Variants in MMRN2 observed in about 807,000 individuals in gnomAD.
MMRN2 encodes multimerin-2.
A neutral mutation model predicts 68.8 loss-of-function variants in MMRN2; 53 were observed. That is an observed-to-expected ratio of 0.77 (90% confidence interval 0.62 to 0.97). MMRN2 has a LOEUF of 0.97. MMRN2 is among the 50% of genes least tolerant of loss of function. The probability of loss-of-function intolerance (pLI) is 0.00; values close to 1 mark genes in which losing one functional copy is unlikely to be tolerated. For missense variants in MMRN2, 1,266 were observed against 1,259.5 expected (o/e 1.01, Z -0.08); for synonymous variants, 564 against 551.6 (o/e 1.02, Z -0.32).
intron 1 of MMRN2, among the ~76,000 whole-genome samples, chr10:86,952,395 A>G (rs770023342): frequency 7.2e-5 from 11 of 152,250 alleles, no homozygotes; most frequent in Non-Finnish European, 1.5e-4. Flanking sequence ...ACATGGGCTC[A>G]GTATTGGGGG....
In MMRN2 at chr10:86,936,737, TG is replaced by T; in HGVS notation, c.*5del. 1 of 1,613,470 alleles carries T rather than the reference TG, an allele frequency of 6.2e-7. No homozygotes were observed. The highest frequency in any genetic ancestry group is 8.5e-7 in the Non-Finnish European group (1 of 1,179,498). On this transcript the variant is annotated 3_prime_UTR_variant, in exon 7 of 7. Transcript: ENST00000372027. The stretch of plus-strand genomic sequence containing the variant: ...CCATGATGTCTGATCAGATTGGGGC[TG>T]GGGTTCAGGTCTTAAACATCAGGAA...
Position 86,943,376 on chromosome 10 carries a change from C to A in MMRN2, c.1408G>T (p.Glu470Ter). 6.2e-7 allele frequency: 1 copy of A among 1,613,952 alleles called. No individual in the cohort carries two copies. The highest frequency in any genetic ancestry group is 1.3e-5 in the African/African-American group (1 of 75,058). Residue 470 changes from glutamate to a stop codon, truncating the protein, a stop_gained, in exon 6 of 7, where the codon GAG (glutamate) becomes TAG (stop). Transcript: ENST00000372027. LOFTEE classifies it high-confidence loss of function. The surrounding 1 kb of genome is among the most constrained non-coding windows in gnomAD (Gnocchi z 4.2). ...AGGTGCTGCAGCGTGAGGTTGAGCT[C>A]CAGGAGCTGCCGCTCCACCTCCTCC... ...NKEEVERQLL[E>*]LNLTLQHLQG...
In MMRN2 at chr10:86,945,389, GC is replaced by G; in HGVS notation, c.380del (p.Gly127AlafsTer40). On this transcript the variant is annotated frameshift_variant, in exon 3 of 7. Transcript: ENST00000372027. LOFTEE classifies it high-confidence loss of function. The stretch of plus-strand genomic sequence containing the variant: ...CCCTACCGTGGTGCTCGCAGTTGGG[GC>G]CCGTGTAGCCAGGGCAGCACCTCCA... ...LAWRCCPGYT[G>X]PNCEHHDSMA... 6.3e-7 allele frequency: 1 copy of G among 1,587,462 alleles called. No individual in the cohort carries two copies. Among genetic ancestry groups the G allele is most frequent in the African/African-American group, 1.3e-5 (1 of 74,660 alleles).
At position 86,942,253 on chromosome 10, in the gene MMRN2, A is replaced by G. The variant is rs1227244981; in HGVS notation, c.2467+64T>C. The G allele has an allele frequency of 3.3e-6, 5 of 1,519,486 alleles. No individual in the cohort carries two copies. In the African/African-American group the frequency reaches 6.9e-5, roughly 21 times the overall value. 94.1% of individuals were successfully genotyped at this position (1,519,486 alleles called of 1,614,324 possible). ...TCTTCCTGGCCCTCTTGGAGGCAGA[A>G]GAGCTGCCGGCAGCCGGCCCTGGCC... On this transcript the variant is annotated intron_variant, in intron 6 of 6. Coordinates refer to ENST00000372027, the MANE Select transcript of MMRN2 (RefSeq NM_024756.3).
Position 86,936,612 on chromosome 10 carries a change from C to A in MMRN2, c.*131G>T. 8.5e-7 allele frequency: 1 copy of A among 1,169,924 alleles called. No individual in the cohort carries two copies. 72.5% of individuals were successfully genotyped at this position (1,169,924 alleles called of 1,614,324 possible). On this transcript the variant is annotated 3_prime_UTR_variant, in exon 7 of 7. Transcript: ENST00000372027. ...GGTTACAGGGAAGCCACGTACACCA[C>A]ACCATCTTTGCAGAAGGTTTCCAGG... is the stretch of plus-strand genomic sequence containing the variant.
Position 86,935,736 on chromosome 10 carries a change from C to G in MMRN2, c.*1007G>C, listed in dbSNP as rs1843867221. 6.6e-6 allele frequency: 1 copy of G among 152,202 alleles called. No individual in the cohort carries two copies. The highest frequency in any genetic ancestry group is 1.5e-5 in the Non-Finnish European group (1 of 68,056). 9.4% of individuals were successfully genotyped at this position (152,202 alleles called of 1,614,324 possible). A position where few individuals can be genotyped will look rare whatever the true frequency, so the allele number is the denominator to read the frequency against. On this transcript the variant is annotated 3_prime_UTR_variant, in exon 7 of 7. Coordinates refer to ENST00000372027, the MANE Select transcript of MMRN2 (RefSeq NM_024756.3). Reference sequence around the variant, plus strand: ...CGTTTGGCATTTCTTGGTCTTTACCCTATGTAAGGCAAGGAGAAAAAGACA... The same window carrying G: ...CGTTTGGCATTTCTTGGTCTTTACCGTATGTAAGGCAAGGAGAAAAAGACA...
Position 86,957,404 on chromosome 10 carries a change from C to T in MMRN2, c.138G>A (p.Glu46=). Residue 46 remains glutamate, a synonymous_variant, in exon 1 of 7, where the codon GAG becomes GAA. Coordinates refer to ENST00000372027, the MANE Select transcript of MMRN2 (RefSeq NM_024756.3). ...RTPGVWKAEA[E]DTGKDPVGRN... is the part of the protein sequence containing the mutation. The stretch of plus-strand genomic sequence containing the variant: ...GTCCTACGGGGTCCTTGCCGGTGTC[C>T]TCAGCCTCTGCCTTCCAGACCCCAG... 1 of 1,613,584 alleles carries T rather than the reference C, an allele frequency of 6.2e-7. No homozygotes were observed. The highest frequency in any genetic ancestry group is 1.1e-5 in the South Asian group (1 of 91,068).
intron 1 of MMRN2, among the ~76,000 whole-genome samples, chr10:86,957,050 G>T (rs1324586273): frequency 6.6e-6 from 1 of 152,314 alleles, no homozygotes; most frequent in East Asian, 1.9e-4. Flanking sequence ...AAGAACAGGA[G>T]GCATAGCCAG....
chr10:86,950,595 A>G (rs948383362), intron 1 of MMRN2, among the ~76,000 whole-genome samples: 1 of 152,146 alleles, frequency 6.6e-6, no homozygotes, highest in Admixed American at 6.6e-5. Flanking sequence ...GGGCTGTGGT[A>G]TGAGGGCAGC....
rs113498537 is a variant in MMRN2 at position 86,945,356 on chromosome 10, G to A, written c.400+14C>T. The A allele has an allele frequency of 1.2e-3, 1,844 of 1,599,366 alleles. 21 individuals carry two copies. In the African/African-American group the frequency reaches 0.019, roughly 17 times the overall value. ...CAGAGGTCAAGGGGGGAAGGGGGCC[G>A]CAGGGAGCCCTACCGTGGTGCTCGC... On this transcript the variant is annotated intron_variant, in intron 3 of 6. Coordinates refer to ENST00000372027, the MANE Select transcript of MMRN2 (RefSeq NM_024756.3).
intron 1 of MMRN2, among the ~76,000 whole-genome samples, chr10:86,956,027 C>T (rs1167734729): frequency 6.6e-6 from 1 of 152,168 alleles, no homozygotes; most frequent in African/African-American, 2.4e-5. Context: ...TCCCGTCCAC[C>T]GGGTCCTCTC....
intron 1 of MMRN2, among the ~76,000 whole-genome samples, chr10:86,956,854 T>C (rs1844242947): frequency 6.6e-6 from 1 of 152,184 alleles, no homozygotes; most frequent in African/African-American, 2.4e-5. Context: ...ATGTTCTGGG[T>C]CCAGTTGCAA....
intron 6 of MMRN2, among the ~76,000 whole-genome samples, chr10:86,940,559 A>G (rs1001989026): frequency 3.3e-5 from 5 of 152,374 alleles, no homozygotes; most frequent in Admixed American, 6.5e-5. Context: ...TGGTAAACGC[A>G]GCAGTCTTCA....
chr10:86,945,424 A>G lies in MMRN2; in HGVS notation c.346T>C (p.Ser116Pro). 1 of 1,575,922 alleles carries G rather than the reference A, an allele frequency of 6.3e-7. No homozygotes were observed. The highest frequency in any genetic ancestry group is 8.6e-7 in the Non-Finnish European group (1 of 1,159,488). The change falls in exon 3 of 7, where the codon TCT becomes CCT. Residue 116 changes from serine to proline, a missense_variant. Transcript: ENST00000372027. ...CCAGGGCAGCACCTCCAGGCCAAAG[A>G]GGTCAGCACCTTCTGCTTGACCTGG... ...VYQVKQKVLT[S>P]LAWRCCPGYT...
At chr10:86,947,321 C>T (rs950662640) in intron 1 of MMRN2, among the ~76,000 whole-genome samples, 2 of 151,732 alleles carry the variant, frequency 1.3e-5, no homozygotes, top group Admixed American at 1.3e-4. Flanking sequence ...CCATCAAGCA[C>T]TGTCACACAG....
At position 86,936,547 on chromosome 10, in the gene MMRN2, C is replaced by G. The variant is rs1421247863; in HGVS notation, c.*196G>C. The G allele has an allele frequency of 6.1e-6, 4 of 652,638 alleles. No homozygotes were observed. Among genetic ancestry groups the G allele is most frequent in the Non-Finnish European group, 1.0e-5 (4 of 381,360 alleles). The allele number at this position is 652,638 out of a possible 1,614,324, so 40.4% of individuals were successfully genotyped here. The stretch of plus-strand genomic sequence containing the variant: ...ACCATGTCCTGCCCGGAGAAGCATT[C>G]CAGTCCTTCTCATCATGGAGAAATG... On this transcript the variant is annotated 3_prime_UTR_variant, in exon 7 of 7. Transcript: ENST00000372027.
intron 6 of MMRN2, among the ~76,000 whole-genome samples, chr10:86,940,168 AC>A (rs1843946976): frequency 1.3e-5 from 2 of 151,318 alleles, no homozygotes; most frequent in South Asian, 4.2e-4. Context: ...CCGCCACCAC[AC>A]CCGGCTAATT....
In MMRN2 at chr10:86,942,650, C is replaced by A; in HGVS notation, c.2134G>T (p.Gly712Trp). 1.3e-6 allele frequency: 2 copies of A among 1,597,932 alleles called. No homozygotes were observed. Among genetic ancestry groups the A allele is most frequent in the Non-Finnish European group, 8.5e-7 (1 of 1,178,656 alleles). The change falls in exon 6 of 7, where the codon GGG becomes TGG. Residue 712 changes from glycine to tryptophan, a missense_variant. Physicochemically the swap from Gly to Trp is radical, Grantham distance 184 (BLOSUM62 -2). Coordinates refer to ENST00000372027, the MANE Select transcript of MMRN2 (RefSeq NM_024756.3). ...QSLSNDVKNVGRCCEAEAGAG... is the reference protein window; with the variant it reads ...QSLSNDVKNVWRCCEAEAGAG... ...CCGGCCTCGGCCTCGCAGCACCGCC[C>A]GACATTCTTGACGTCGTTGCTCAGG...
intron 2 of MMRN2, 22 bp from the exon 3 acceptor site, chr10:86,945,498 C>T: frequency 3.2e-6 from 5 of 1,556,886 alleles, no homozygotes; most frequent in Non-Finnish European, 4.3e-6. Context: ...GAAGGGCTGG[C>T]TCAGTGATTC....
Sources: gnomAD v4.1 joint callset for allele counts (sites outside exome capture counted in the v4.1 genomes callset) on GRCh38, gnomAD v4.1.1 for gene constraint, Gnocchi (gnomAD v3.1) non-coding constraint, MANE v1.5 for transcripts, NCBI Gene and HGNC (gene_info 2026-07-23, HGNC 2026-07-21) for gene names.